DHX34: variants seen among roughly 807,000 people sequenced by gnomAD.
The protein encoded by DHX34 is DExH-box helicase 34.
DHX34 carries 96 observed loss-of-function variants against 111.1 expected under a neutral mutation model. The observed-to-expected ratio is 0.86, with a 90% CI of 0.73 to 1.02. The LOEUF (loss-of-function observed/expected upper bound fraction) is 1.02, where lower values mean the gene tolerates loss of function less well. Among genes scored for constraint, DHX34 ranks in the 50% least tolerant of loss-of-function variants. The pLI is 0.00. For synonymous variants in DHX34, 688 were observed against 670.4 expected (o/e 1.03, Z -0.41); for missense variants, 1,560 against 1,579.9 (o/e 0.99, Z 0.21).
In DHX34 at chr19:47,362,498, C is replaced by T. The variant is rs140363128; in HGVS notation, c.1398C>T (p.Tyr466=). Residue 466 remains tyrosine (Y), a synonymous_variant, in exon 6 of 17, where the codon TAC becomes TAT. Transcript: ENST00000328771. The part of the protein sequence containing the change: ...VDSGKVKEMS[Y]DPQAKLQRLQ... Reference sequence around the variant, plus strand: ...CAGGAAAGGTGAAGGAGATGAGCTACGATCCGCAGGCCAAGCTGCAACGGC... The same window carrying T: ...CAGGAAAGGTGAAGGAGATGAGCTATGATCCGCAGGCCAAGCTGCAACGGC... 5.4e-5 allele frequency: 87 copies of T among 1,597,668 alleles called. No homozygotes were observed. Among genetic ancestry groups the T allele is most frequent in the East Asian group, 6.8e-5 (3 of 44,186 alleles).
chr19:47,368,435 T>C (rs1969861990), intron 7 of DHX34, among the ~76,000 whole-genome samples: 1 of 147,544 alleles, frequency 6.8e-6, no homozygotes, highest in Non-Finnish European at 1.5e-5. Context: ...GCCTCCCGAG[T>C]AGCTGGGATT....
intron 3 of DHX34, 88 bp from the exon 4 acceptor site, chr19:47,357,778 T>G (rs953835036): frequency 6.1e-5 from 92 of 1,499,510 alleles, no homozygotes; most frequent in Non-Finnish European, 7.9e-5. Flanking sequence ...TAGCCTGTGG[T>G]CTCCCCCGTC....
rs769750000 is a variant in DHX34, at chr19:47,373,664, A to G, written c.2028A>G (p.Arg676=). The change falls in exon 9 of 17, where the codon CGA becomes CGG. Residue 676 remains arginine, a synonymous_variant. Coordinates refer to ENST00000328771, the MANE Select transcript of DHX34 (RefSeq NM_014681.6). ...WCRRRGIEEH[R]LYEMANLRRQ... Reference sequence around the variant, plus strand: ...GCCGCCGGGGCATAGAGGAGCATCGACTGTACGAAATGGCCAACCTTCGGC... The same window carrying G: ...GCCGCCGGGGCATAGAGGAGCATCGGCTGTACGAAATGGCCAACCTTCGGC... The G allele has an allele frequency of 5.0e-6, 8 of 1,613,896 alleles. No individual in the cohort carries two copies. In the South Asian group the frequency reaches 7.7e-5, roughly 16 times the overall value.
chr19:47,372,937 T>TG lies in DHX34; in HGVS notation c.1962+19dup. 1 of 1,575,968 alleles carries TG rather than the reference T, an allele frequency of 6.3e-7. No homozygotes were observed. The highest frequency in any genetic ancestry group is 1.1e-5 in the South Asian group (1 of 89,254). On this transcript the variant is annotated intron_variant, in intron 8 of 16. Coordinates refer to ENST00000328771, the MANE Select transcript of DHX34 (RefSeq NM_014681.6). The stretch of plus-strand genomic sequence containing the variant: ...GCCTGGGTGCAGGTGAGGCTGGTGG[T>TG]GGGGGCCCTCTGTCTGTCACCCTGC...
At chr19:47,379,082 T>G (rs1273165588) in intron 13 of DHX34, among the ~76,000 whole-genome samples, 1 of 152,016 alleles carries the variant, frequency 6.6e-6, no homozygotes. Flanking sequence ...TGAGCCAAGA[T>G]TGCGCCATTG....
Position 47,379,942 on chromosome 19 carries a change from T to C in DHX34, c.2939T>C (p.Val980Ala), listed in dbSNP as rs1207213607. The C allele has an allele frequency of 6.2e-7, 1 of 1,602,324 alleles. No individual in the cohort carries two copies. The highest frequency in any genetic ancestry group is 1.3e-5 in the African/African-American group (1 of 74,806). ...GATACGCCAGTCAGCCCCAAGGAGG[T>C]GGCCACCCTGAGCAAGGAACTCCTG... Reference protein sequence around the residue: ...EEDTPVSPKEVATLSKELLQF... With the variant: ...EEDTPVSPKEAATLSKELLQF... Residue 980 changes from valine (V) to alanine (A), a missense_variant, in exon 14 of 17, where the codon GTG (valine) becomes GCG (alanine). Physicochemically the swap from Val to Ala is moderately conservative, Grantham distance 64. Coordinates refer to ENST00000328771, the MANE Select transcript of DHX34 (RefSeq NM_014681.6).
chr19:47,378,083 A>G (rs780062289), intron 13 of DHX34, among the ~76,000 whole-genome samples: 3 of 152,126 alleles, frequency 2.0e-5, no homozygotes, highest in Non-Finnish European at 4.4e-5. Flanking sequence ...CTCCTGGGTC[A>G]CACTGCCCCC....
chr19:47,375,842 A>G, intron 10 of DHX34, 82 bp from the exon 11 acceptor site: 1 of 1,541,710 alleles, frequency 6.5e-7, no homozygotes, highest in Non-Finnish European at 8.7e-7. Flanking sequence ...GGTCCCAGGT[A>G]TCTGCAGAGC....
chr19:47,353,228 C>T lies in DHX34; in HGVS notation c.198C>T (p.Arg66=), dbSNP rs1161688683. The change falls in exon 2 of 17, where the codon CGC becomes CGT. Residue 66 remains arginine, a synonymous_variant. Transcript: ENST00000328771. This position sits in a 1 kb window ranked among gnomAD's most constrained non-coding sequence, Gnocchi z 4.6. The part of the protein sequence containing the change: ...ECQKFWTFFE[R]LQRFQNLKTS... Reference sequence around the variant, plus strand: ...AGAAGTTTTGGACCTTCTTTGAACGCCTGCAGAGATTCCAGAATCTCAAGA... The same window carrying T: ...AGAAGTTTTGGACCTTCTTTGAACGTCTGCAGAGATTCCAGAATCTCAAGA... 6.2e-7 allele frequency: 1 copy of T among 1,614,166 alleles called. No individual in the cohort carries two copies. The highest frequency in any genetic ancestry group is 8.5e-7 in the Non-Finnish European group (1 of 1,180,026).
intron 1 of DHX34, among the ~76,000 whole-genome samples, chr19:47,350,370 C>T (rs1969248045): frequency 6.6e-6 from 1 of 151,810 alleles, no homozygotes. Flanking sequence ...TGCCACTGCA[C>T]TTCAGGCTGG....
Position 47,352,893 on chromosome 19 carries a change from G to A in DHX34, c.-138G>A. 1 of 1,443,338 alleles carries A rather than the reference G, an allele frequency of 6.9e-7. No homozygotes were observed. Among genetic ancestry groups the A allele is most frequent in the South Asian group, 1.5e-5 (1 of 66,256 alleles). 89.4% of individuals were successfully genotyped at this position (1,443,338 alleles called of 1,614,324 possible). On this transcript the variant is annotated 5_prime_UTR_variant, in exon 2 of 17. Coordinates refer to ENST00000328771, the MANE Select transcript of DHX34 (RefSeq NM_014681.6). ...CTGTGGTGGTCCTGTGCCGTGACCA[G>A]GAGGAAAAATTAGCTCTTTGAAGAG...
chr19:47,373,450 C>G, intron 8 of DHX34, 149 bp from the exon 9 acceptor site: 1 of 1,442,552 alleles, frequency 6.9e-7, no homozygotes, highest in African/African-American at 1.4e-5. Flanking sequence ...GAGGGCTTCC[C>G]ATAGGAGGGG....
At chr19:47,370,625 C>T (rs1969935181) in intron 7 of DHX34, among the ~76,000 whole-genome samples, 2 of 152,192 alleles carry the variant, frequency 1.3e-5, no homozygotes, top group Non-Finnish European at 2.9e-5. Context: ...GCTGGATCCG[C>T]TGGACTTGGA....
At position 47,380,873 on chromosome 19, in the gene DHX34, C is replaced by T. The variant is rs772926356; in HGVS notation, c.3040C>T (p.Pro1014Ser). 3 of 1,613,850 alleles carry T rather than the reference C, an allele frequency of 1.9e-6. No individual in the cohort carries two copies. In the African/African-American group the frequency reaches 4.0e-5, roughly 22 times the overall value. Residue 1014 changes from proline to serine, a missense_variant, in exon 15 of 17, where the codon CCC becomes TCC. Transcript: ENST00000328771. ...GLEVQNMYVGPQTIPATPHLP... is the reference protein window; with the variant it reads ...GLEVQNMYVGSQTIPATPHLP... Reference sequence around the variant, plus strand: ...AGAAGTCCAGAACATGTATGTGGGACCCCAGACCATCCCAGCCACCCCCCA... The same window carrying T: ...AGAAGTCCAGAACATGTATGTGGGATCCCAGACCATCCCAGCCACCCCCCA...
chr19:47,378,546 T>A (rs758243683), intron 13 of DHX34, among the ~76,000 whole-genome samples: 1 of 152,180 alleles, frequency 6.6e-6, no homozygotes, highest in Non-Finnish European at 1.5e-5. Context: ...GACTGCTTGT[T>A]GAGAGAATCT....
intron 7 of DHX34, among the ~76,000 whole-genome samples, chr19:47,368,456 GC>G (rs1969862844): frequency 6.7e-6 from 1 of 150,146 alleles, no homozygotes; most frequent in Non-Finnish European, 1.5e-5. Flanking sequence ...ACAGGCATGC[GC>G]CACCATGCCC....
chr19:47,360,164 G>A, intron 5 of DHX34, 94 bp downstream of exon 5: 1 of 1,183,918 alleles, frequency 8.4e-7, no homozygotes, highest in Non-Finnish European at 1.3e-6. Context: ...GCACCAGCTT[G>A]GATTGGGAAG....
At chr19:47,349,687 A>T (rs1397774533) in intron 1 of DHX34, among the ~76,000 whole-genome samples, 1 of 152,114 alleles carries the variant, frequency 6.6e-6, no homozygotes, top group Non-Finnish European at 1.5e-5. Context: ...TTCCAGCGAG[A>T]GTCTTAGAGC....
At position 47,355,096 on chromosome 19, in the gene DHX34, C is replaced by T. The variant is rs760078640; in HGVS notation, c.763C>T (p.Leu255=). 1 of 1,614,088 alleles carries T rather than the reference C, an allele frequency of 6.2e-7. No homozygotes were observed. Among genetic ancestry groups the T allele is most frequent in the South Asian group, 1.1e-5 (1 of 91,080 alleles). ...TTCGGCGGCCACCAAGATTGTATTC[C>T]TGACAGTGGGGCTGCTCCTGCGACA... is the stretch of plus-strand genomic sequence containing the variant. ...TRSAATKIVF[L]TVGLLLRQIQ... The change falls in exon 3 of 17, where the codon CTG becomes TTG. Residue 255 remains leucine, a synonymous_variant. Coordinates refer to ENST00000328771, the MANE Select transcript of DHX34 (RefSeq NM_014681.6).
Sources: gnomAD v4.1 joint callset for allele counts (sites outside exome capture counted in the v4.1 genomes callset) on GRCh38, gnomAD v4.1.1 for gene constraint, Gnocchi (gnomAD v3.1) non-coding constraint, MANE v1.5 for transcripts, NCBI Gene and HGNC (gene_info 2026-07-23, HGNC 2026-07-21) for gene names.